Variants in PTPRD observed in about 807,000 individuals in gnomAD.
PTPRD encodes the protein receptor-type tyrosine-protein phosphatase delta.
PTPRD carries 34 observed loss-of-function variants against 214.5 expected under a neutral mutation model. That is an observed-to-expected ratio of 0.16 (90% CI 0.12 to 0.21). The LOEUF is 0.21. Among genes scored for constraint, PTPRD ranks in the 10% least tolerant of loss-of-function variants. The pLI is 1.00. For missense variants in PTPRD, 2,545 were observed against 2,398.7 expected, an observed-to-expected ratio of 1.06 and a Z score of -1.27; for synonymous variants, 1,128 against 845.7, an observed-to-expected ratio of 1.33 and a Z score of -5.79.
intron 8 of PTPRD, among the ~76,000 whole-genome samples, chr9:9,407,136 T>C (rs1664380475): frequency 6.6e-6 from 1 of 151,840 alleles, no homozygotes; most frequent in South Asian, 2.1e-4. Context: ...ACCTGATTTA[T>C]AATACTGTAG....
chr9:10,234,590 AAGAAATTCG>A (rs975993360), intron 3 of PTPRD, among the ~76,000 whole-genome samples: 54 of 151,734 alleles, frequency 3.6e-4, no homozygotes, highest in African/African-American at 1.2e-3. Context: ...AGAATTATTC[AAGAAATTCG>A]AGTAAAGAAA....
At chr9:10,393,346 G>C (rs956500370) in intron 2 of PTPRD, among the ~76,000 whole-genome samples, 7 of 151,516 alleles carry the variant, frequency 4.6e-5, no homozygotes, top group African/African-American at 1.7e-4. Context: ...GAGAGCAGAA[G>C]CTATGTATGA....
chr9:10,461,682 G>T lies in PTPRD; in HGVS notation c.-599-120665C>A, dbSNP rs531745938. 6.0e-4 allele frequency among the ~76,000 whole-genome samples: 90 copies of T among 151,254 alleles called. 1 individual carries two copies. Among genetic ancestry groups the T allele is most frequent in the African/African-American group, 2.1e-3 (88 of 41,122 alleles). ...CTGTCTCCCAGGCTGGAGTGCAGTG[G>T]CACGATATCAGCTCACTGCAACCTC... On this transcript the variant is annotated intron_variant, in intron 2 of 45. Coordinates refer to ENST00000381196, the MANE Select transcript of PTPRD (RefSeq NM_002839.4).
Position 8,936,427 on chromosome 9 carries a change from C to CAAAAAAAAAAAAA in PTPRD, c.-104+82257_-104+82269dup, listed in dbSNP as rs1181403459. On this transcript the variant is annotated intron_variant, in intron 11 of 45. Transcript: ENST00000381196. ...AGGCAACAGAGCAAGACCCTGCCTC[C>CAAAAAAAAAAAAA]AAAAAAAAAAAAAAAAAAAAAAAGA... Among the ~76,000 whole-genome samples, 133 of 31,558 alleles carry CAAAAAAAAAAAAA rather than the reference C, an allele frequency of 4.2e-3. 3 individuals are homozygous for CAAAAAAAAAAAAA. The highest frequency in any genetic ancestry group is 0.045 in the Middle Eastern group (1 of 22). 20.7% of individuals were successfully genotyped at this position (31,558 alleles called of 152,430 possible).
At chr9:8,448,078 C>A (rs150963454) in intron 34 of PTPRD, among the ~76,000 whole-genome samples, 1,535 of 152,024 alleles carry the variant, frequency 0.01, 28 homozygotes, top group African/African-American at 0.035. Context: ...TAATCCCAGC[C>A]CTTTGGGAGG....
chr9:9,927,299 GT>G, intron 5 of PTPRD, among the ~76,000 whole-genome samples: 1 of 152,178 alleles, frequency 6.6e-6, no homozygotes, highest in African/African-American at 2.4e-5. Context: ...CAATCTCTGT[GT>G]TTTCTTTTCA....
chr9:8,682,226 G>A (rs1422775382), intron 12 of PTPRD, among the ~76,000 whole-genome samples: 2 of 152,140 alleles, frequency 1.3e-5, no homozygotes, highest in Non-Finnish European at 2.9e-5. Flanking sequence ...TTGCACGAGA[G>A]AAGTCTAAAT....
At chr9:9,940,256 A>T (rs2091044961) in intron 4 of PTPRD, among the ~76,000 whole-genome samples, 1 of 152,048 alleles carries the variant, frequency 6.6e-6, no homozygotes, top group African/African-American at 2.4e-5. Flanking sequence ...GGCAGCACAG[A>T]TGGAAGTCTG....
intron 14 of PTPRD, among the ~76,000 whole-genome samples, chr9:8,547,408 C>T (rs986264685): frequency 4.6e-5 from 7 of 151,980 alleles, no homozygotes; most frequent in African/African-American, 1.7e-4. Context: ...TTTGGGAGGC[C>T]AAGGTGGGCA....
intron 5 of PTPRD, among the ~76,000 whole-genome samples, chr9:9,773,853 A>T (rs191082510): frequency 2.2e-4 from 33 of 152,310 alleles, no homozygotes; most frequent in Non-Finnish European, 3.5e-4. Context: ...TTGGGGAAAA[A>T]AAAAGATAAG....
At chr9:8,707,369 A>G (rs918183444) in intron 12 of PTPRD, among the ~76,000 whole-genome samples, 1 of 152,236 alleles carries the variant, frequency 6.6e-6, no homozygotes, top group Admixed American at 6.5e-5. Context: ...GTAATGGACC[A>G]AAGACAGGAA....
chr9:8,999,579 A>G (rs955580559), intron 11 of PTPRD, among the ~76,000 whole-genome samples: 5 of 152,018 alleles, frequency 3.3e-5, no homozygotes, highest in Non-Finnish European at 4.4e-5. Flanking sequence ...CTCTTTTGTG[A>G]TATTGCTTTA....
intron 12 of PTPRD, among the ~76,000 whole-genome samples, chr9:8,705,841 A>G (rs1375431577): frequency 6.6e-6 from 1 of 152,216 alleles, no homozygotes; most frequent in Non-Finnish European, 1.5e-5. Flanking sequence ...TTCTTTTGGT[A>G]ATAGCACCTA....
intron 11 of PTPRD, among the ~76,000 whole-genome samples, chr9:8,920,970 C>T (rs986105975): frequency 6.6e-6 from 1 of 152,122 alleles, no homozygotes; most frequent in Non-Finnish European, 1.5e-5. Context: ...CACGCCCCCA[C>T]GCCAGGCTTA....
intron 3 of PTPRD, among the ~76,000 whole-genome samples, chr9:10,228,586 A>G (rs2099596991): frequency 6.6e-6 from 1 of 152,048 alleles, no homozygotes; most frequent in South Asian, 2.1e-4. Flanking sequence ...ATTTGCCATC[A>G]GCTACCTATT....
At position 9,580,308 on chromosome 9, in the gene PTPRD, C is replaced by G. The variant is rs548111915; in HGVS notation, c.-286-5527G>C. Among the ~76,000 whole-genome samples, 78 of 152,220 alleles carry G rather than the reference C, an allele frequency of 5.1e-4. 1 individual carries two copies. The highest frequency in any genetic ancestry group is 6.8e-4 in the Non-Finnish European group (46 of 67,998). ...CATACTGTTTTCCATAGAGGTTGTA[C>G]TAATTTACATTCCCACCAACAGTGT... On this transcript the variant is annotated intron_variant, in intron 7 of 45. Transcript: ENST00000381196.
chr9:10,273,900 T>G (rs1018102369), intron 3 of PTPRD, among the ~76,000 whole-genome samples: 7 of 152,166 alleles, frequency 4.6e-5, no homozygotes, highest in Admixed American at 6.5e-5. Flanking sequence ...CAATACACTG[T>G]GCTTCTTTTT....
intron 2 of PTPRD, among the ~76,000 whole-genome samples, chr9:10,524,208 C>G (rs2053517445): frequency 6.6e-6 from 1 of 152,010 alleles, no homozygotes; most frequent in African/African-American, 2.4e-5. Context: ...GTGTTAGGAG[C>G]CGTTCAATCC....
chr9:9,571,688 T>C (rs774069876), intron 8 of PTPRD, among the ~76,000 whole-genome samples: 57 of 151,180 alleles, frequency 3.8e-4, no homozygotes, highest in Non-Finnish European at 7.4e-4. Flanking sequence ...AACTAATTGT[T>C]GCATGAAACT....
Sources: gnomAD v4.1 joint callset for allele counts (sites outside exome capture counted in the v4.1 genomes callset) on GRCh38, gnomAD v4.1.1 for gene constraint, MANE v1.5 for transcripts, NCBI Gene and HGNC (gene_info 2026-07-23, HGNC 2026-07-21) for gene names.